Variants in RAPGEF5 observed in about 807,000 individuals in gnomAD.
RAPGEF5 encodes the protein M-Ras-regulated GEF.
RAPGEF5 carries 65 observed loss-of-function variants against 125.2 expected under a neutral mutation model. The observed-to-expected ratio is 0.52, with a 90% CI of 0.43 to 0.64. The LOEUF is 0.64. Among genes scored for constraint, RAPGEF5 ranks in the 30% least tolerant of loss-of-function variants. RAPGEF5 has a pLI of 0.00. For missense variants in RAPGEF5, 958 were observed against 1,048.1 expected (o/e 0.91, Z 1.19); for synonymous variants, 391 against 385.9 (o/e 1.01, Z -0.16).
intron 8 of RAPGEF5, among the ~76,000 whole-genome samples, chr7:22,221,919 T>C (rs1785800216): frequency 6.6e-6 from 1 of 152,134 alleles, no homozygotes; most frequent in Non-Finnish European, 1.5e-5. Flanking sequence ...GAACCTACTA[T>C]AAGTTCTGAG....
At chr7:22,249,303 C>T (rs1156856033) in intron 7 of RAPGEF5, among the ~76,000 whole-genome samples, 1 of 152,114 alleles carries the variant, frequency 6.6e-6, no homozygotes, top group East Asian at 1.9e-4. Flanking sequence ...AGCAATTCTC[C>T]CACCTCAGCC....
At chr7:22,168,371 T>C (rs1380666268) in intron 11 of RAPGEF5, among the ~76,000 whole-genome samples, 1 of 152,212 alleles carries the variant, frequency 6.6e-6, no homozygotes, top group Non-Finnish European at 1.5e-5. Context: ...ACACTGAATC[T>C]GCTAGCACCT....
chr7:22,211,963 CTTTTTT>C (rs749576250), intron 9 of RAPGEF5, among the ~76,000 whole-genome samples: 2 of 114,360 alleles, frequency 1.7e-5, no homozygotes, highest in Admixed American at 2.0e-4. Context: ...CATGTGTTCT[CTTTTTT>C]TTTTTTTTTT....
chr7:22,232,837 T>C (rs529302528), intron 7 of RAPGEF5, among the ~76,000 whole-genome samples: 16 of 152,172 alleles, frequency 1.1e-4, no homozygotes, highest in Non-Finnish European at 1.9e-4. Context: ...TGCCTACTTA[T>C]ATAATAAGCT....
chr7:22,139,509 T>C (rs769761939), intron 21 of RAPGEF5, among the ~76,000 whole-genome samples: 2 of 152,250 alleles, frequency 1.3e-5, no homozygotes, highest in Non-Finnish European at 1.5e-5. Context: ...AGTGGGCCTC[T>C]GCATCTCAGA....
At chr7:22,255,130 T>C (rs1786724427) in intron 7 of RAPGEF5, among the ~76,000 whole-genome samples, 1 of 152,166 alleles carries the variant, frequency 6.6e-6, no homozygotes, top group South Asian at 2.1e-4. Context: ...AAATGCCTAT[T>C]TAAGCTTGAA....
intron 1 of RAPGEF5, among the ~76,000 whole-genome samples, chr7:22,342,127 A>G (rs1364025593): frequency 6.6e-6 from 1 of 152,224 alleles, no homozygotes; most frequent in Non-Finnish European, 1.5e-5. Flanking sequence ...TCAAACCCCA[A>G]TTCTTGACTT....
chr7:22,150,456 T>C lies in RAPGEF5; in HGVS notation c.1835A>G (p.Glu612Gly). 6.2e-7 allele frequency: 1 copy of C among 1,605,320 alleles called. No homozygotes were observed. The highest frequency in any genetic ancestry group is 8.5e-7 in the Non-Finnish European group (1 of 1,177,346). Residue 612 changes from glutamate to glycine, a missense_variant, in exon 18 of 26, where the codon GAG becomes GGG. Glu to Gly is a moderately conservative substitution (Grantham distance 98). Transcript: ENST00000665637. The part of the protein sequence containing the change: ...PNDLVISKSL[E>G]ASGRIYVYRK... ...GTAGACATATATTCGACCAGATGCCTCGAGGGATTTGGAGATGACTAAGTC... is the reference window on the plus strand; with the variant it reads ...GTAGACATATATTCGACCAGATGCCCCGAGGGATTTGGAGATGACTAAGTC...
intron 9 of RAPGEF5, among the ~76,000 whole-genome samples, chr7:22,211,501 T>C (rs1179515725): frequency 6.6e-6 from 1 of 152,152 alleles, no homozygotes; most frequent in Non-Finnish European, 1.5e-5. Flanking sequence ...GGTAATAAAT[T>C]AGAAGTGAAC....
At chr7:22,265,797 T>G (rs532839624) in intron 7 of RAPGEF5, among the ~76,000 whole-genome samples, 2 of 152,328 alleles carry the variant, frequency 1.3e-5, no homozygotes, top group African/African-American at 4.8e-5. Flanking sequence ...GAAATCTCAA[T>G]GTGATTTTGA....
At chr7:22,280,946 G>A (rs1782660507) in intron 6 of RAPGEF5, among the ~76,000 whole-genome samples, 1 of 152,166 alleles carries the variant, frequency 6.6e-6, no homozygotes, top group Non-Finnish European at 1.5e-5. Flanking sequence ...TCAAAATTTA[G>A]TGAAGAAGAA....
chr7:22,324,000 A>AT (rs1783765893), intron 1 of RAPGEF5, among the ~76,000 whole-genome samples: 2 of 152,214 alleles, frequency 1.3e-5, no homozygotes. Flanking sequence ...CAAACCTATG[A>AT]TGAGACATAG....
chr7:22,356,421 C>G (rs78161258), intron 1 of RAPGEF5: 16,485 of 181,452 alleles, frequency 0.091, 999 homozygotes, highest in Admixed American at 0.17. Context: ...CAAGCACACA[C>G]GTCGCATGCG....
At chr7:22,160,185 G>A (rs1783941936) in intron 14 of RAPGEF5, among the ~76,000 whole-genome samples, 1 of 152,074 alleles carries the variant, frequency 6.6e-6, no homozygotes, top group Non-Finnish European at 1.5e-5. Context: ...ATTCCATAGA[G>A]ATAGTTACAA....
At chr7:22,200,359 T>C (rs868739902) in intron 9 of RAPGEF5, among the ~76,000 whole-genome samples, 4 of 152,030 alleles carry the variant, frequency 2.6e-5, no homozygotes, top group Non-Finnish European at 5.9e-5. Flanking sequence ...AAGATAGAAA[T>C]GATTAAGAGA....
intron 3 of RAPGEF5, among the ~76,000 whole-genome samples, chr7:22,314,302 T>C (rs1783541924): frequency 6.6e-6 from 1 of 152,104 alleles, no homozygotes; most frequent in South Asian, 2.1e-4. Flanking sequence ...AGTGGCTAAA[T>C]GGATAATGAT....
intron 9 of RAPGEF5, among the ~76,000 whole-genome samples, chr7:22,209,396 C>T (rs1454022827): frequency 2.6e-5 from 4 of 152,136 alleles, no homozygotes; most frequent in African/African-American, 9.7e-5. Context: ...CTACTTGGGC[C>T]GTGTGTGCTC....
intron 9 of RAPGEF5, among the ~76,000 whole-genome samples, chr7:22,196,008 A>G (rs1256071048): frequency 6.6e-6 from 1 of 152,204 alleles, no homozygotes; most frequent in East Asian, 1.9e-4. Context: ...TGTGTAACTA[A>G]TATGTATTAC....
At position 22,259,998 on chromosome 7, in the gene RAPGEF5, C is replaced by A. The variant is rs147543098; in HGVS notation, c.796+6966G>T. Among the ~76,000 whole-genome samples, 584 of 152,002 alleles carry A rather than the reference C, an allele frequency of 3.8e-3. 10 individuals carry two copies. Among genetic ancestry groups the A allele is most frequent in the Admixed American group, 0.03 (462 of 15,268 alleles). ...ACTTGGGAGGCTGAGGCAGGAGAAT[C>A]GTTTGAAATCGGAAGGCAGAGGTTG... is the stretch of plus-strand genomic sequence containing the variant. On this transcript the variant is annotated intron_variant, in intron 7 of 25. Coordinates refer to ENST00000665637, the MANE Select transcript of RAPGEF5 (RefSeq NM_012294.5).
Sources: gnomAD v4.1 joint callset for allele counts (sites outside exome capture counted in the v4.1 genomes callset) on GRCh38, gnomAD v4.1.1 for gene constraint, MANE v1.5 for transcripts, NCBI Gene and HGNC (gene_info 2026-07-23, HGNC 2026-07-21) for gene names.